Variants in FGF14 observed in about 807,000 individuals in gnomAD.
FGF14 encodes the protein fibroblast growth factor 14.
In FGF14, 5 loss-of-function variants were observed where a neutral mutation model predicts 25.5. The observed-to-expected ratio is 0.20, with a 90% CI of 0.10 to 0.41. FGF14 has a LOEUF of 0.41. FGF14 is among the 10% of genes least tolerant of loss of function. FGF14 has a pLI of 1.00. For missense variants in FGF14, 222 were observed against 320.1 expected (o/e 0.69, Z 2.34); for synonymous variants, 138 against 118.3 (o/e 1.17, Z -1.08).
intron 3 of FGF14, among the ~76,000 whole-genome samples, chr13:101,803,378 C>A (rs1375543396): frequency 1.3e-5 from 2 of 152,080 alleles, no homozygotes; most frequent in Non-Finnish European, 2.9e-5. Context: ...AATCCTCCTG[C>A]CTTAGCCTCC....
At chr13:102,374,879 A>C (rs1207291427) in intron 1 of FGF14, among the ~76,000 whole-genome samples, 1 of 151,674 alleles carries the variant, frequency 6.6e-6, no homozygotes, top group Non-Finnish European at 1.5e-5. Context: ...CAGTAACCTG[A>C]AACAATTTCA....
intron 3 of FGF14, among the ~76,000 whole-genome samples, chr13:101,749,007 G>A (rs939790165): frequency 3.3e-5 from 5 of 152,038 alleles, no homozygotes; most frequent in Admixed American, 3.3e-4. Flanking sequence ...TCTGATACAT[G>A]TTACATGAAT....
At chr13:101,885,717 A>C (rs1392869267) in intron 1 of FGF14, among the ~76,000 whole-genome samples, 7 of 151,174 alleles carry the variant, frequency 4.6e-5, no homozygotes, top group Non-Finnish European at 8.8e-5. Context: ...AAAAAAAAAA[A>C]CTGCAGGGTC....
intron 1 of FGF14, among the ~76,000 whole-genome samples, chr13:102,113,026 T>G (rs1199264680): frequency 1.3e-5 from 2 of 152,244 alleles, no homozygotes; most frequent in Non-Finnish European, 2.9e-5. Context: ...GACATCTACT[T>G]AAATCAGAAG....
At chr13:102,300,650 T>A (rs565725098) in intron 1 of FGF14, among the ~76,000 whole-genome samples, 51 of 152,254 alleles carry the variant, frequency 3.3e-4, no homozygotes, top group African/African-American at 1.2e-3. Context: ...TTAAGCTCTA[T>A]CATAGTAAGA....
chr13:101,973,121 T>TCA (rs2037710411), intron 1 of FGF14, among the ~76,000 whole-genome samples: 3 of 121,946 alleles, frequency 2.5e-5, no homozygotes, highest in Non-Finnish European at 4.9e-5. Context: ...GTGTGCTTCT[T>TCA]TTTTTTTTTT....
intron 1 of FGF14, among the ~76,000 whole-genome samples, chr13:102,353,845 G>C (rs2057355086): frequency 6.6e-6 from 1 of 152,154 alleles, no homozygotes; most frequent in Non-Finnish European, 1.5e-5. Flanking sequence ...CAACCATCAG[G>C]CTCTTCTAAG....
chr13:101,828,981 G>A lies in FGF14; in HGVS notation c.408+39744C>T, dbSNP rs1011128013. Among the ~76,000 whole-genome samples the A allele has an allele frequency of 8.5e-5, 13 of 152,054 alleles. 3 individuals are homozygous for A. The highest frequency in any genetic ancestry group is 7.2e-4 in the Admixed American group (11 of 15,244). On this transcript the variant is annotated intron_variant, in intron 3 of 4. Coordinates refer to ENST00000376143, the MANE Select transcript of FGF14 (RefSeq NM_004115.4). ...GATAGCAAACAAAGTAAAGGTCAGG[G>A]AAATTCATTTGTGGTTTCTGCCCCT...
chr13:102,232,357 G>A (rs1489788126), intron 1 of FGF14, among the ~76,000 whole-genome samples: 1 of 152,280 alleles, frequency 6.6e-6, no homozygotes, highest in African/African-American at 2.4e-5. Context: ...AAGTTGCAAT[G>A]CTATATATCC....
At chr13:101,789,486 G>A (rs2040107148) in intron 3 of FGF14, among the ~76,000 whole-genome samples, 1 of 152,124 alleles carries the variant, frequency 6.6e-6, no homozygotes, top group Non-Finnish European at 1.5e-5. Context: ...CTTACGCTCT[G>A]CTAAATTAGA....
At chr13:101,818,418 C>G (rs979678062) in intron 3 of FGF14, among the ~76,000 whole-genome samples, 21 of 152,156 alleles carry the variant, frequency 1.4e-4, no homozygotes, top group African/African-American at 4.8e-4. Flanking sequence ...GGGTAGCATC[C>G]TCCCTCCTAG....
intron 1 of FGF14, among the ~76,000 whole-genome samples, chr13:101,897,437 G>A (rs774159924): frequency 6.6e-6 from 1 of 152,174 alleles, no homozygotes; most frequent in Non-Finnish European, 1.5e-5. Flanking sequence ...AGGCTTCAGA[G>A]AAGAATACTC....
intron 1 of FGF14, among the ~76,000 whole-genome samples, chr13:102,221,302 G>A (rs115558084): frequency 0.01 from 1,540 of 152,220 alleles, 33 homozygotes; most frequent in African/African-American, 0.033. Flanking sequence ...TGAAGCCACA[G>A]TTATCTAATG....
At chr13:102,380,837 C>G in intron 1 of FGF14, among the ~76,000 whole-genome samples, 1 of 152,238 alleles carries the variant, frequency 6.6e-6, no homozygotes, top group Admixed American at 6.5e-5. Flanking sequence ...AAAATAAACA[C>G]AGATAAAGAG....
Position 101,962,159 on chromosome 13 carries a change from G to C in FGF14, c.209-86863C>G, listed in dbSNP as rs535118240. Among the ~76,000 whole-genome samples, 5 of 152,248 alleles carry C rather than the reference G, an allele frequency of 3.3e-5. No individual in the cohort carries two copies. In the South Asian group the frequency reaches 1.0e-3, roughly 32 times the overall value. ...TCTATAAATTACTTTGGGCATTATGGCCATTTTCAAGATATTGATTCTTAC... is the reference window on the plus strand; with the variant it reads ...TCTATAAATTACTTTGGGCATTATGCCCATTTTCAAGATATTGATTCTTAC... On this transcript the variant is annotated intron_variant, in intron 1 of 4. Transcript: ENST00000376131.
intron 1 of FGF14, among the ~76,000 whole-genome samples, chr13:102,123,244 G>C (rs1289489136): frequency 6.6e-6 from 1 of 152,102 alleles, no homozygotes; most frequent in Non-Finnish European, 1.5e-5. Context: ...GTCATATGCA[G>C]CCAACAATGT....
At chr13:102,170,585 T>G (rs916565332) in intron 1 of FGF14, among the ~76,000 whole-genome samples, 3 of 152,114 alleles carry the variant, frequency 2.0e-5, no homozygotes, top group Non-Finnish European at 4.4e-5. Context: ...AGGCCGACAA[T>G]GACCAAGGAC....
chr13:101,904,432 A>G (rs935870614), intron 1 of FGF14, among the ~76,000 whole-genome samples: 3 of 152,258 alleles, frequency 2.0e-5, no homozygotes, highest in African/African-American at 4.8e-5. Context: ...AAAATTTAAA[A>G]AAGAGAAGGA....
At chr13:102,222,044 T>C (rs1173028405) in intron 1 of FGF14, among the ~76,000 whole-genome samples, 1 of 152,194 alleles carries the variant, frequency 6.6e-6, no homozygotes, top group Non-Finnish European at 1.5e-5. Flanking sequence ...GGTACTATTA[T>C]GAAACTTATT....
Sources: gnomAD v4.1 joint callset for allele counts (sites outside exome capture counted in the v4.1 genomes callset) on GRCh38, gnomAD v4.1.1 for gene constraint, MANE v1.5 for transcripts, NCBI Gene and HGNC (gene_info 2026-07-23, HGNC 2026-07-21) for gene names.